The following FGFR2 variants were observed in gnomAD, a reference collection of about 807,000 sequenced individuals.
FGFR2 encodes the protein fibroblast growth factor receptor 2.
FGFR2 carries 19 observed loss-of-function variants against 95.9 expected under a neutral mutation model. The observed-to-expected ratio is 0.20, with a 90% CI of 0.14 to 0.29. The LOEUF is 0.29. Ranked by LOEUF, FGFR2 falls within the 10% of genes least tolerant of loss-of-function variation. The probability of loss-of-function intolerance (pLI) is 1.00; values close to 1 mark genes in which losing one functional copy is unlikely to be tolerated. For synonymous variants in FGFR2, 392 were observed against 393.3 expected (o/e 1.00, Z 0.04); for missense variants, 707 against 1,056.9 (o/e 0.67, Z 4.59).
chr10:121,563,291 T>C (rs1298185260), intron 4 of FGFR2, among the ~76,000 whole-genome samples: 3 of 152,162 alleles, frequency 2.0e-5, no homozygotes, highest in South Asian at 2.1e-4. Context: ...GGAGAATTGC[T>C]TGAACCTGGG....
intron 4 of FGFR2, among the ~76,000 whole-genome samples, chr10:121,562,781 A>T (rs1857167859): frequency 6.6e-6 from 1 of 152,160 alleles, no homozygotes; most frequent in African/African-American, 2.4e-5. Context: ...TCAACCACAC[A>T]CTTTGGGTGA....
At chr10:121,515,445 T>TC in intron 8 of FGFR2, 126 bp from the exon 9 acceptor site, 2 of 844,826 alleles carry the variant, frequency 2.4e-6, no homozygotes, top group Non-Finnish European at 4.0e-6. Flanking sequence ...AAGGTGGGCT[T>TC]CCCAAAAACT....
Position 121,485,332 on chromosome 10 carries a change from G to C in FGFR2, c.2195+63C>G, listed in dbSNP as rs2133791064. Reference sequence around the variant, plus strand: ...GGGCCTTCAAAAACGAGATACATCAGGAGAGGTATTACTGGTGTGGCAAGT... The same window carrying C: ...GGGCCTTCAAAAACGAGATACATCACGAGAGGTATTACTGGTGTGGCAAGT... On this transcript the variant is annotated intron_variant, in intron 16 of 17. Transcript: ENST00000358487. The surrounding 1 kb of genome is among the most constrained non-coding windows in gnomAD (Gnocchi z 4.2). 2 of 1,606,434 alleles carry C rather than the reference G, an allele frequency of 1.2e-6. No individual in the cohort carries two copies. The highest frequency in any genetic ancestry group is 1.7e-6 in the Non-Finnish European group (2 of 1,173,550).
Position 121,500,816 on chromosome 10 carries a change from C to G in FGFR2, c.1561+10G>C, listed in dbSNP as rs758605716. ...CAGCCCCTCCCCGAGCCTCCCGCCT[C>G]CCCGCTCACCTTTCAACATCTTCAC... On this transcript the variant is annotated intron_variant, in intron 11 of 17. Coordinates refer to ENST00000358487, the MANE Select transcript of FGFR2 (RefSeq NM_000141.5). The G allele has an allele frequency of 1.9e-6, 3 of 1,613,774 alleles. No individual in the cohort carries two copies. Among genetic ancestry groups the G allele is most frequent in the Non-Finnish European group, 8.5e-7 (1 of 1,180,004 alleles).
chr10:121,526,620 G>A (rs747795407), intron 6 of FGFR2: 2 of 398,172 alleles, frequency 5.0e-6, no homozygotes, highest in Admixed American at 4.4e-5. Context: ...ACGCTATGAC[G>A]GCCAGGAAGA....
intron 3 of FGFR2, among the ~76,000 whole-genome samples, 161 bp downstream of exon 3, chr10:121,565,277 G>A (rs542144686): frequency 1.1e-4 from 16 of 151,716 alleles, no homozygotes; most frequent in East Asian, 3.9e-4. Flanking sequence ...CTTAATGATC[G>A]GCCTTTCTGG....
At chr10:121,574,855 A>C (rs1333701273) in intron 2 of FGFR2, among the ~76,000 whole-genome samples, 2 of 152,254 alleles carry the variant, frequency 1.3e-5, no homozygotes, top group Non-Finnish European at 2.9e-5. Context: ...ATAAAAACGG[A>C]GAACAAAAAG....
chr10:121,561,404 A>C (rs894880784), intron 4 of FGFR2, among the ~76,000 whole-genome samples: 1 of 150,652 alleles, frequency 6.6e-6, no homozygotes, highest in Non-Finnish European at 1.5e-5. Flanking sequence ...AGCCTGGGCA[A>C]CAAGAGCGAA....
chr10:121,542,417 A>G (rs1853899405), intron 5 of FGFR2, among the ~76,000 whole-genome samples: 1 of 152,220 alleles, frequency 6.6e-6, no homozygotes, highest in Non-Finnish European at 1.5e-5. Context: ...ACAGATCCTT[A>G]GATAATCATT....
chr10:121,495,251 G>A lies in FGFR2; in HGVS notation c.1863+1281C>T, dbSNP rs138255093. Reference sequence around the variant, plus strand: ...CCTATATATTGGGAGATTTTTATACGAAAAAGATCTGAAAAAGTCTTAAAC... The same window carrying A: ...CCTATATATTGGGAGATTTTTATACAAAAAAGATCTGAAAAAGTCTTAAAC... On this transcript the variant is annotated intron_variant, in intron 13 of 17. Coordinates refer to ENST00000358487, the MANE Select transcript of FGFR2 (RefSeq NM_000141.5). Among the ~76,000 whole-genome samples, 937 of 151,972 alleles carry A rather than the reference G, an allele frequency of 6.2e-3. 7 individuals are homozygous for A. The highest frequency in any genetic ancestry group is 0.019 in the African/African-American group (805 of 41,404).
intron 2 of FGFR2, among the ~76,000 whole-genome samples, chr10:121,575,398 A>C (rs1169761014): frequency 6.6e-6 from 1 of 152,178 alleles, no homozygotes; most frequent in Non-Finnish European, 1.5e-5. Context: ...TCTCCAAAAA[A>C]AGATGCACAG....
chr10:121,517,110 A>G lies in FGFR2; in HGVS notation c.1084+209T>C, dbSNP rs1454997431. On this transcript the variant is annotated intron_variant, in intron 8 of 17. Transcript: ENST00000358487. The surrounding 1 kb of genome is among the most constrained non-coding windows in gnomAD (Gnocchi z 4.7). ...GATCCCTTCAGGTTTTAAGGGTGAA[A>G]TTTCCCTTGATCATAAATGTGAGTG... 2 of 632,420 alleles carry G rather than the reference A, an allele frequency of 3.2e-6. No individual in the cohort carries two copies. The highest frequency in any genetic ancestry group is 5.6e-6 in the Non-Finnish European group (2 of 360,148). The allele number at this position is 632,420 out of a possible 1,614,324, so 39.2% of individuals were successfully genotyped here. A position where few individuals can be genotyped will look rare whatever the true frequency, so the allele number is the denominator to read the frequency against.
chr10:121,526,586 A>C (rs907906126), intron 6 of FGFR2: 83 of 397,412 alleles, frequency 2.1e-4, no homozygotes, highest in Non-Finnish European at 3.0e-4. Flanking sequence ...GGTCAGAACT[A>C]AAAATGATTA....
intron 6 of FGFR2, among the ~76,000 whole-genome samples, chr10:121,528,572 C>T (rs149926426): frequency 2.6e-5 from 4 of 152,230 alleles, no homozygotes; most frequent in East Asian, 3.9e-4. Flanking sequence ...GCTCCTAGGG[C>T]GGTTCGAGCA....
At chr10:121,534,597 T>G (rs761062625) in intron 6 of FGFR2, among the ~76,000 whole-genome samples, 21 of 151,890 alleles carry the variant, frequency 1.4e-4, no homozygotes, top group Non-Finnish European at 2.5e-4. Flanking sequence ...GGTTTCACCA[T>G]GTTGACCAGG....
chr10:121,576,439 C>T (rs1859774095), intron 2 of FGFR2, among the ~76,000 whole-genome samples: 1 of 152,142 alleles, frequency 6.6e-6, no homozygotes, highest in African/African-American at 2.4e-5. Flanking sequence ...CATCTCCAGC[C>T]CTTCAGGGCT....
At chr10:121,525,137 CCT>C (rs561138747) in intron 6 of FGFR2, among the ~76,000 whole-genome samples, 62 of 152,244 alleles carry the variant, frequency 4.1e-4, no homozygotes, top group African/African-American at 1.5e-3. Flanking sequence ...ATGAGTAGCT[CCT>C]CTGTTTACTG....
chr10:121,549,884 C>A (rs1252202987), intron 5 of FGFR2, among the ~76,000 whole-genome samples: 1 of 152,170 alleles, frequency 6.6e-6, no homozygotes, highest in African/African-American at 2.4e-5. Context: ...CCCAGCTAAG[C>A]CACACCTTCA....
rs1369002049 is a variant in FGFR2, at chr10:121,531,569, A to G, written c.748+7023T>C. Among the ~76,000 whole-genome samples the G allele has an allele frequency of 2.0e-5, 3 of 152,170 alleles. No homozygotes were observed. Among genetic ancestry groups the G allele is most frequent in the Admixed American group, 1.3e-4 (2 of 15,280 alleles). On this transcript the variant is annotated intron_variant, in intron 6 of 17. Transcript: ENST00000358487. The surrounding 1 kb of genome is among the most constrained non-coding windows in gnomAD (Gnocchi z 4.5). ...AGAGGAAGTATGGGACCAACGCACA[A>G]TAACGACTAACAGTTGCATGGTACT...
Sources: gnomAD v4.1 joint callset for allele counts (sites outside exome capture counted in the v4.1 genomes callset) on GRCh38, gnomAD v4.1.1 for gene constraint, Gnocchi (gnomAD v3.1) non-coding constraint, MANE v1.5 for transcripts, NCBI Gene and HGNC (gene_info 2026-07-23, HGNC 2026-07-21) for gene names.